Variants in AK5 observed in about 807,000 individuals in gnomAD.
The protein encoded by AK5 is adenylate kinase 5, also known as adenylate kinase isoenzyme 5.
In AK5, 27 loss-of-function variants were observed where a neutral mutation model predicts 69.5. The ratio of observed to expected loss-of-function variants is 0.39; its 90% CI spans 0.29 to 0.54. AK5 has a LOEUF of 0.54. Ranked by LOEUF, AK5 falls within the 20% of genes least tolerant of loss-of-function variation. The pLI, the probability that AK5 is intolerant of heterozygous loss-of-function variation, is 0.71. For missense variants in AK5, 531 were observed against 700.4 expected (o/e 0.76, Z 2.73); for synonymous variants, 260 against 244.4 (o/e 1.06, Z -0.60).
intron 1 of AK5, among the ~76,000 whole-genome samples, chr1:77,284,376 C>T (rs1658231839): frequency 6.6e-6 from 1 of 152,184 alleles, no homozygotes; most frequent in African/African-American, 2.4e-5. Context: ...CTACTAAACA[C>T]CAAGACATTG....
intron 2 of AK5, among the ~76,000 whole-genome samples, chr1:77,287,716 G>T (rs575568481): frequency 6.6e-6 from 1 of 152,212 alleles, no homozygotes; most frequent in Admixed American, 6.5e-5. Flanking sequence ...CAGCCACGTG[G>T]TGGAAGAAGA....
At chr1:77,351,959 C>T (rs1265322086) in intron 6 of AK5, among the ~76,000 whole-genome samples, 3 of 118,506 alleles carry the variant, frequency 2.5e-5, no homozygotes, top group Non-Finnish European at 3.4e-5. Context: ...GATGGAGTTT[C>T]GCTCTTGTTG....
At chr1:77,289,125 A>G (rs541976292) in intron 2 of AK5, among the ~76,000 whole-genome samples, 1 of 152,342 alleles carries the variant, frequency 6.6e-6, no homozygotes, top group South Asian at 2.1e-4. Context: ...CACGCTTTGT[A>G]AATCAGCAGG....
chr1:77,302,803 G>A (rs780015297), intron 5 of AK5, among the ~76,000 whole-genome samples: 2 of 152,148 alleles, frequency 1.3e-5, no homozygotes, highest in Admixed American at 6.5e-5. Context: ...GCAGCAAAGA[G>A]CAGTCAGTGT....
intron 13 of AK5, among the ~76,000 whole-genome samples, chr1:77,544,433 G>A (rs140906008): frequency 0.014 from 2,060 of 151,748 alleles, 19 homozygotes; most frequent in South Asian, 0.019. Context: ...ACTTTTGACC[G>A]TTTCATAGAA....
chr1:77,472,402 G>A (rs6603950), intron 8 of AK5, among the ~76,000 whole-genome samples: 67,672 of 151,956 alleles, frequency 0.45, 15,419 homozygotes, highest in Middle Eastern at 0.6. Flanking sequence ...TCCCATGTGT[G>A]TCTCTCTTTT....
At chr1:77,389,996 T>C (rs558312207) in intron 6 of AK5, among the ~76,000 whole-genome samples, 1 of 152,030 alleles carries the variant, frequency 6.6e-6, no homozygotes, top group East Asian at 1.9e-4. Context: ...AAAAAAAGAG[T>C]ATAATTTCAT....
intron 6 of AK5, among the ~76,000 whole-genome samples, chr1:77,349,199 T>C (rs1222538727): frequency 6.6e-6 from 1 of 152,204 alleles, no homozygotes; most frequent in Non-Finnish European, 1.5e-5. Context: ...TCGGAATGTT[T>C]CTGTTCTCAC....
At chr1:77,284,768 A>G (rs1428981609) in intron 1 of AK5, among the ~76,000 whole-genome samples, 1 of 152,206 alleles carries the variant, frequency 6.6e-6, no homozygotes, top group Non-Finnish European at 1.5e-5. Flanking sequence ...GGTTGTCTTC[A>G]ATCCCTGATA....
At chr1:77,434,673 C>G (rs542598151) in intron 8 of AK5, among the ~76,000 whole-genome samples, 1 of 152,172 alleles carries the variant, frequency 6.6e-6, no homozygotes, top group East Asian at 1.9e-4. Context: ...ATGTGAAGCA[C>G]AGGAACTTAC....
intron 6 of AK5, among the ~76,000 whole-genome samples, chr1:77,372,591 C>A (rs907994105): frequency 6.6e-6 from 1 of 152,024 alleles, no homozygotes; most frequent in Non-Finnish European, 1.5e-5. Flanking sequence ...GCTTCTAAAC[C>A]TTGTGTTTTC....
intron 8 of AK5, among the ~76,000 whole-genome samples, chr1:77,459,148 C>A (rs532038367): frequency 5.6e-4 from 86 of 152,300 alleles, no homozygotes; most frequent in Non-Finnish European, 8.5e-4. Flanking sequence ...CCACATCACA[C>A]TTCCACACTT....
intron 5 of AK5, 128 bp downstream of exon 5, chr1:77,298,075 C>T (rs747578077): frequency 1.7e-6 from 1 of 592,442 alleles, no homozygotes; most frequent in East Asian, 2.9e-5. Flanking sequence ...CAGGCAAATA[C>T]ATCAGTATGG....
chr1:77,461,587 T>G (rs1653845780), intron 8 of AK5, among the ~76,000 whole-genome samples: 1 of 151,560 alleles, frequency 6.6e-6, no homozygotes, highest in Admixed American at 6.6e-5. Context: ...CTGGCCAACA[T>G]GGTGAAATCC....
At chr1:77,301,773 C>T (rs541724491) in intron 5 of AK5, among the ~76,000 whole-genome samples, 16 of 152,228 alleles carry the variant, frequency 1.1e-4, no homozygotes, top group Admixed American at 7.8e-4. Flanking sequence ...GAAATAAAGG[C>T]TCCTATTCAA....
chr1:77,496,249 A>G (rs901850400), intron 10 of AK5, among the ~76,000 whole-genome samples: 11 of 152,222 alleles, frequency 7.2e-5, no homozygotes, highest in Non-Finnish European at 1.3e-4. Flanking sequence ...TGGTGTGTGC[A>G]GGAGGCAGCC....
At chr1:77,411,581 G>C (rs1269857490) in intron 7 of AK5, among the ~76,000 whole-genome samples, 1 of 152,036 alleles carries the variant, frequency 6.6e-6, no homozygotes, top group East Asian at 1.9e-4. Context: ...ACCTCCTAAT[G>C]TAGGCAGTAC....
At chr1:77,325,960 T>C (rs142536862) in intron 5 of AK5, among the ~76,000 whole-genome samples, 2 of 152,298 alleles carry the variant, frequency 1.3e-5, no homozygotes, top group African/African-American at 4.8e-5. Context: ...AATAAATGTT[T>C]ATGGATTGGA....
chr1:77,291,482 T>A, intron 2 of AK5, among the ~76,000 whole-genome samples: 1 of 152,120 alleles, frequency 6.6e-6, no homozygotes, highest in East Asian at 1.9e-4. Flanking sequence ...CATTGTTTCC[T>A]TTCTCTTACC....
Sources: gnomAD v4.1 joint callset for allele counts (sites outside exome capture counted in the v4.1 genomes callset) on GRCh38, gnomAD v4.1.1 for gene constraint, MANE v1.5 for transcripts, NCBI Gene and HGNC (gene_info 2026-07-23, HGNC 2026-07-21) for gene names.